The following TOM1L2 variants were observed in gnomAD, a reference collection of about 807,000 sequenced individuals.
The protein encoded by TOM1L2 is TOM1-like protein 2.
In TOM1L2, 31 loss-of-function variants were observed where a neutral mutation model predicts 67.9. The ratio of observed to expected loss-of-function variants is 0.46; its 90% CI spans 0.34 to 0.62. The LOEUF (loss-of-function observed/expected upper bound fraction) is 0.62, where lower values mean the gene tolerates loss of function less well. TOM1L2 is among the 20% of genes least tolerant of loss of function. The pLI, the probability that TOM1L2 is intolerant of heterozygous loss-of-function variation, is 0.01. For synonymous variants in TOM1L2, 256 were observed against 254.0 expected (o/e 1.01, Z -0.07); for missense variants, 606 against 663.5 (o/e 0.91, Z 0.95).
At chr17:17,857,250 G>A (rs558824817) in intron 12 of TOM1L2, among the ~76,000 whole-genome samples, 1 of 152,318 alleles carries the variant, frequency 6.6e-6, no homozygotes, top group Non-Finnish European at 1.5e-5. Flanking sequence ...ACTGCACCCG[G>A]CCTGTGTATT....
At chr17:17,867,984 C>T (rs1035681642) in intron 8 of TOM1L2, among the ~76,000 whole-genome samples, 1 of 152,186 alleles carries the variant, frequency 6.6e-6, no homozygotes, top group Non-Finnish European at 1.5e-5. Flanking sequence ...CTTCCAGCCA[C>T]CAGCCCCAGG....
intron 7 of TOM1L2, among the ~76,000 whole-genome samples, chr17:17,873,961 T>A (rs566655513): frequency 7.9e-5 from 12 of 151,424 alleles, no homozygotes; most frequent in Middle Eastern, 3.4e-3. Context: ...CTTACTTATT[T>A]TTTTTTTTTT....
intron 1 of TOM1L2, among the ~76,000 whole-genome samples, chr17:17,945,462 T>C (rs1227761762): frequency 6.6e-6 from 1 of 152,232 alleles, no homozygotes; most frequent in East Asian, 1.9e-4. Flanking sequence ...TGGATTTCAA[T>C]GTGCAATACC....
At chr17:17,968,607 G>T (rs574349810) in intron 1 of TOM1L2, among the ~76,000 whole-genome samples, 1 of 150,980 alleles carries the variant, frequency 6.6e-6, no homozygotes, top group Non-Finnish European at 1.5e-5. Flanking sequence ...GGAGGTTGCA[G>T]TGAGCTTAGA....
chr17:17,955,557 T>C (rs2041402540), intron 1 of TOM1L2, among the ~76,000 whole-genome samples: 1 of 152,120 alleles, frequency 6.6e-6, no homozygotes, highest in Admixed American at 6.6e-5. Context: ...GCCAGGACAG[T>C]CTTGATCTCC....
chr17:17,967,778 T>A (rs1000182520), intron 1 of TOM1L2, among the ~76,000 whole-genome samples: 1 of 152,110 alleles, frequency 6.6e-6, no homozygotes, highest in African/African-American at 2.4e-5. Context: ...CAGCTAATTT[T>A]TGTATTTTTA....
At chr17:17,857,736 A>T in intron 12 of TOM1L2, 1 of 1,524,464 alleles carries the variant, frequency 6.6e-7, no homozygotes, top group Non-Finnish European at 8.8e-7. Flanking sequence ...GCTGGGGTGG[A>T]CAGCAGGCTT....
chr17:17,894,447 G>A (rs1186846626), intron 3 of TOM1L2, among the ~76,000 whole-genome samples: 1 of 152,218 alleles, frequency 6.6e-6, no homozygotes, highest in Non-Finnish European at 1.5e-5. Flanking sequence ...AGTGACACAG[G>A]CTTTAGCTGC....
intron 1 of TOM1L2, among the ~76,000 whole-genome samples, chr17:17,909,985 A>C (rs916008595): frequency 6.6e-6 from 1 of 152,192 alleles, no homozygotes; most frequent in Non-Finnish European, 1.5e-5. Context: ...GATATGATTG[A>C]GCCACTGCAT....
At chr17:17,877,693 C>T (rs1179701292) in intron 7 of TOM1L2, among the ~76,000 whole-genome samples, 1 of 152,150 alleles carries the variant, frequency 6.6e-6, no homozygotes, top group Non-Finnish European at 1.5e-5. Context: ...GAAGGACAGC[C>T]TCCCACTGGC....
At chr17:17,874,631 G>A (rs557894823) in intron 7 of TOM1L2, among the ~76,000 whole-genome samples, 20 of 152,326 alleles carry the variant, frequency 1.3e-4, no homozygotes, top group African/African-American at 4.6e-4. Context: ...CTAACATTGT[G>A]ACCTCAGCTT....
intron 1 of TOM1L2, among the ~76,000 whole-genome samples, chr17:17,959,258 C>T (rs2041591817): frequency 6.6e-6 from 1 of 152,170 alleles, no homozygotes; most frequent in African/African-American, 2.4e-5. Flanking sequence ...TCTTGTGGGA[C>T]TGAGCCCTTA....
chr17:17,944,987 C>A (rs1251832504), intron 1 of TOM1L2, among the ~76,000 whole-genome samples: 1 of 152,170 alleles, frequency 6.6e-6, no homozygotes, highest in Non-Finnish European at 1.5e-5. Flanking sequence ...AGATGCTGCC[C>A]GCACTGCCGC....
At chr17:17,857,885 TGAGA>T (rs2036333004) in intron 12 of TOM1L2, 2 of 1,526,736 alleles carry the variant, frequency 1.3e-6, no homozygotes, top group Non-Finnish European at 1.8e-6. Flanking sequence ...GCAAGACCCA[TGAGA>T]AAGAAGTCAA....
chr17:17,961,169 T>C (rs1303772787), intron 1 of TOM1L2, among the ~76,000 whole-genome samples: 1 of 152,100 alleles, frequency 6.6e-6, no homozygotes, highest in East Asian at 1.9e-4. Flanking sequence ...AACAAGCACA[T>C]GAAAAGATGC....
intron 8 of TOM1L2, among the ~76,000 whole-genome samples, chr17:17,867,512 G>A (rs1420814210): frequency 6.6e-6 from 1 of 152,242 alleles, no homozygotes; most frequent in Non-Finnish European, 1.5e-5. Flanking sequence ...GCAGTGCAGG[G>A]GGAGTTGGCT....
At chr17:17,930,990 A>C (rs1360940472) in intron 1 of TOM1L2, among the ~76,000 whole-genome samples, 1 of 152,230 alleles carries the variant, frequency 6.6e-6, no homozygotes, top group African/African-American at 2.4e-5. Context: ...GAATAGCATA[A>C]TATGGAATGT....
chr17:17,857,666 C>T (rs2036317982), intron 12 of TOM1L2: 1 of 1,023,852 alleles, frequency 9.8e-7, no homozygotes, highest in Non-Finnish European at 1.4e-6. Context: ...CTTGTACTGT[C>T]TGATTCACAA....
At position 17,889,694 on chromosome 17, in the gene TOM1L2, G is replaced by T. The variant is rs149250807; in HGVS notation, c.366+3967C>A. Among the ~76,000 whole-genome samples the T allele has an allele frequency of 1.0e-3, 154 of 152,256 alleles. 1 individual carries two copies. Among genetic ancestry groups the T allele is most frequent in the South Asian group, 1.9e-3 (9 of 4,826 alleles). On this transcript the variant is annotated intron_variant, in intron 4 of 14. Transcript: ENST00000379504. ...ACATTCGATCTACTTTTCCATAATGGAAAGGTTAAGGCTGTACCCCACTCC... is the reference window on the plus strand; with the variant it reads ...ACATTCGATCTACTTTTCCATAATGTAAAGGTTAAGGCTGTACCCCACTCC...
Sources: allele counts gnomAD v4.1 joint callset (sites outside exome capture counted in the v4.1 genomes callset), GRCh38; gene constraint gnomAD v4.1.1; transcripts MANE v1.5; gene names NCBI Gene and HGNC (gene_info 2026-07-23, HGNC 2026-07-21).